TKTL1: variants seen among roughly 807,000 people sequenced by gnomAD.
TKTL1 encodes the protein transketolase like 1, also known as transketolase-like protein 1.
Under a neutral mutation model 39.3 loss-of-function variants are expected in TKTL1, and 1 was observed. The ratio of observed to expected loss-of-function variants is 0.03; its 90% CI spans 0.01 to 0.12. The LOEUF is 0.12. Ranked by LOEUF, TKTL1 falls within the 10% of genes least tolerant of loss-of-function variation. The pLI, the probability that TKTL1 is intolerant of heterozygous loss-of-function variation, is 1.00. For missense variants in TKTL1, 575 were observed against 509.6 expected (o/e 1.13, Z -1.24); for synonymous variants, 262 against 193.8 (o/e 1.35, Z -2.92).
At chrX:154,315,105 C>T (rs1184536249) in intron 6 of TKTL1, 68 bp from the exon 7 acceptor site, 3 of 1,058,643 alleles carry the variant, frequency 2.8e-6, no homozygotes, top group Non-Finnish European at 3.9e-6. Context: ...ATGGTACCTT[C>T]CTTCTGTAGT....
intron 5 of TKTL1, among the ~76,000 whole-genome samples, chrX:154,311,515 A>C (rs2067357484): frequency 9.0e-6 from 1 of 111,728 alleles, no homozygotes; most frequent in African/African-American, 3.3e-5. Flanking sequence ...GACAGGGAAC[A>C]ATCTCTACGG....
At chrX:154,325,624 T>C (rs1489342997) in intron 10 of TKTL1, among the ~76,000 whole-genome samples, 2 of 112,585 alleles carry the variant, frequency 1.8e-5, no homozygotes. Flanking sequence ...CTTTTCTGCT[T>C]TCCAAATGGA....
chrX:154,305,555 C>T (rs782545626), intron 2 of TKTL1, 134 bp downstream of exon 2: 13 of 823,580 alleles, frequency 1.6e-5, no homozygotes, highest in Middle Eastern at 4.6e-4. Context: ...CATCTTAAAG[C>T]TCGAGTGTTC....
rs782740394 is a variant in TKTL1, at chrX:154,320,800, C to T, written c.1073C>T (p.Ala358Val). The change falls in exon 8 of 13, where the codon GCT becomes GTT. Residue 358 changes from alanine to valine, a missense_variant. Physicochemically the swap from Ala to Val is moderately conservative, Grantham distance 64. Coordinates refer to ENST00000369915, the MANE Select transcript of TKTL1 (RefSeq NM_012253.4). ...TGTGCCTCCCGTGGACGGACCATTG[C>T]TTTTGCTAGCACCTTTGCTGCCTTT... is the stretch of plus-strand genomic sequence containing the variant. ...LGCASRGRTI[A>V]FASTFAAFLT... The T allele has an allele frequency of 1.7e-6, 2 of 1,211,294 alleles. No individual in the cohort carries two copies. Among genetic ancestry groups the T allele is most frequent in the East Asian group, 3.0e-5 (1 of 33,845 alleles).
At chrX:154,318,511 A>G (rs887881521) in intron 7 of TKTL1, among the ~76,000 whole-genome samples, 4 of 105,985 alleles carry the variant, frequency 3.8e-5, no homozygotes, top group Non-Finnish European at 7.8e-5. Flanking sequence ...CATCCTGGCT[A>G]ACATGGTGAA....
chrX:154,312,297 C>G (rs1164563817), intron 5 of TKTL1, among the ~76,000 whole-genome samples: 1 of 111,785 alleles, frequency 8.9e-6, no homozygotes, highest in Non-Finnish European at 1.9e-5. Flanking sequence ...GAGGATCACT[C>G]GAGCCCGAGG....
chrX:154,305,934 C>T (rs1206071041), intron 2 of TKTL1, among the ~76,000 whole-genome samples: 4 of 111,563 alleles, frequency 3.6e-5, no homozygotes, highest in African/African-American at 1.3e-4. Context: ...GAAAAAGAAC[C>T]TTAAAAACAA....
At chrX:154,316,027 C>T (rs1557169307) in intron 7 of TKTL1, among the ~76,000 whole-genome samples, 1 of 111,765 alleles carries the variant, frequency 8.9e-6, no homozygotes, top group African/African-American at 3.3e-5. Flanking sequence ...AAACCACAGG[C>T]CAGCAGGTCT....
At position 154,305,068 on chromosome X, in the gene TKTL1, G is replaced by A. The variant is rs782762813; in HGVS notation, c.135-236G>A. On this transcript the variant is annotated intron_variant, in intron 1 of 12. Transcript: ENST00000369915. ...CAGAGGCACAAAGGAAACTTGCCCC[G>A]AGTCCACGGTGCTCTGCGGTTAGGA... is the stretch of plus-strand genomic sequence containing the variant. 46 of 1,126,945 alleles carry A rather than the reference G, an allele frequency of 4.1e-5. No individual in the cohort carries two copies. In the African/African-American group the frequency reaches 6.9e-4, roughly 17 times the overall value. The allele number at this position is 1,126,945 out of a possible 1,213,427, so 92.9% of individuals were successfully genotyped here. A position where few individuals can be genotyped will look rare whatever the true frequency, so the allele number is the denominator to read the frequency against.
intron 5 of TKTL1, 130 bp downstream of exon 5, chrX:154,311,368 A>G (rs892624582): frequency 4.4e-6 from 4 of 911,957 alleles, no homozygotes; most frequent in East Asian, 3.1e-5. Flanking sequence ...CCTGGAGTAT[A>G]TGTTGGAGGC....
intron 9 of TKTL1, 48 bp downstream of exon 9, chrX:154,323,385 C>T: frequency 8.5e-7 from 1 of 1,178,494 alleles, no homozygotes; most frequent in South Asian, 1.9e-5. Flanking sequence ...CTTCTGGACT[C>T]TGCTAGTTTC....
intron 2 of TKTL1, among the ~76,000 whole-genome samples, chrX:154,305,927 A>G (rs1251367845): frequency 8.9e-6 from 1 of 111,782 alleles, no homozygotes; most frequent in African/African-American, 3.3e-5. Context: ...TAGGAAAGAA[A>G]AAGAACCTTA....
chrX:154,309,389 A>G lies in TKTL1; in HGVS notation c.297A>G (p.Gly99=), dbSNP rs782427738. The change falls in exon 3 of 13, where the codon GGA becomes GGG. Residue 99 remains glycine, a synonymous_variant. Coordinates refer to ENST00000369915, the MANE Select transcript of TKTL1 (RefSeq NM_012253.4). Reference sequence around the variant, plus strand: ...TGGCAACAGGATGGCTCGGACAAGGACTGGGAGTTGCATGTGGAATGGCAT... The same window carrying G: ...TGGCAACAGGATGGCTCGGACAAGGGCTGGGAGTTGCATGTGGAATGGCAT... ...VDVATGWLGQ[G]LGVACGMAYT... is the part of the protein sequence containing the mutation. 2 of 1,209,586 alleles carry G rather than the reference A, an allele frequency of 1.7e-6. No homozygotes were observed. Among genetic ancestry groups the G allele is most frequent in the South Asian group, 3.5e-5 (2 of 56,838 alleles).
At chrX:154,298,722 A>G (rs1025452203) in intron 1 of TKTL1, among the ~76,000 whole-genome samples, 1 of 110,676 alleles carries the variant, frequency 9.0e-6, no homozygotes, top group East Asian at 2.8e-4. Flanking sequence ...GTTTCATTAA[A>G]TTTTTTCTAT....
chrX:154,298,950 T>G (rs2067251552), intron 1 of TKTL1, among the ~76,000 whole-genome samples: 2 of 109,618 alleles, frequency 1.8e-5, no homozygotes, highest in Non-Finnish European at 3.8e-5. Context: ...CCTCAAGTGA[T>G]CTGCCCGCTT....
At chrX:154,299,480 T>C (rs1270752213) in intron 1 of TKTL1, among the ~76,000 whole-genome samples, 1 of 110,806 alleles carries the variant, frequency 9.0e-6, no homozygotes, top group Non-Finnish European at 1.9e-5. Context: ...TTAATTTTAA[T>C]AGTGTTAGGG....
intron 10 of TKTL1, among the ~76,000 whole-genome samples, chrX:154,326,164 G>A (rs1351081496): frequency 2.7e-5 from 3 of 111,521 alleles, no homozygotes; most frequent in African/African-American, 6.6e-5. Flanking sequence ...GAAAGTAAGT[G>A]TCTTACTTAA....
intron 2 of TKTL1, among the ~76,000 whole-genome samples, 156 bp downstream of exon 2, chrX:154,305,577 A>C (rs2067308834): frequency 9.0e-6 from 1 of 111,532 alleles, no homozygotes; most frequent in Admixed American, 9.5e-5. Flanking sequence ...AGTGAGGGCC[A>C]CTTGGAGCCC....
At chrX:154,306,369 TG>T (rs2067315002) in intron 2 of TKTL1, among the ~76,000 whole-genome samples, 1 of 110,939 alleles carries the variant, frequency 9.0e-6, no homozygotes, top group Non-Finnish European at 1.9e-5. Context: ...ATTAGCACAG[TG>T]GGAAGTGAAG....
Sources: allele counts gnomAD v4.1 joint callset (sites outside exome capture counted in the v4.1 genomes callset), GRCh38; gene constraint gnomAD v4.1.1; transcripts MANE v1.5; gene names NCBI Gene and HGNC (gene_info 2026-07-23, HGNC 2026-07-21).